The following EGFR variants were observed in gnomAD, a reference collection of about 807,000 sequenced individuals.
EGFR encodes the protein avian erythroblastic leukemia viral (v-erb-b) oncogene homolog.
In EGFR, 58 loss-of-function variants were observed where a neutral mutation model predicts 143.0. The ratio of observed to expected loss-of-function variants is 0.41; its 90% CI spans 0.33 to 0.50. The LOEUF (loss-of-function observed/expected upper bound fraction) is 0.50, where lower values mean the gene tolerates loss of function less well. EGFR is among the 20% of genes least tolerant of loss of function. The pLI is 0.39. For missense variants in EGFR, 1,307 were observed against 1,579.0 expected (o/e 0.83, Z 2.92); for synonymous variants, 613 against 594.4 (o/e 1.03, Z -0.45).
At chr7:55,168,529 A>G (rs763070862) in intron 15 of EGFR, 1 of 1,591,662 alleles carries the variant, frequency 6.3e-7, no homozygotes, top group Admixed American at 1.7e-5. Context: ...CCAGGTCCTA[A>G]TAAATCTTCA....
intron 1 of EGFR, among the ~76,000 whole-genome samples, chr7:55,091,884 ACACACAC>A (rs1279568219): frequency 9.7e-6 from 1 of 102,712 alleles, no homozygotes; most frequent in Non-Finnish European, 2.1e-5. Context: ...ACACACACAC[ACACACAC>A]CCTGAGAGAG....
At chr7:55,165,185 T>G (rs1297262343) in intron 14 of EGFR, 95 bp from the exon 15 acceptor site, 2 of 1,577,280 alleles carry the variant, frequency 1.3e-6, no homozygotes, top group Non-Finnish European at 1.7e-6. Context: ...CTTTCCCCAC[T>G]CACACACACT....
At chr7:55,043,886 T>A (rs1583897007) in intron 1 of EGFR, 1 of 152,240 alleles carries the variant, frequency 6.6e-6, no homozygotes, top group Admixed American at 6.5e-5. Context: ...ACAGCCAGCA[T>A]GCAGGATGGC....
chr7:55,074,433 C>A (rs1790018290), intron 1 of EGFR, among the ~76,000 whole-genome samples: 1 of 152,156 alleles, frequency 6.6e-6, no homozygotes, highest in Non-Finnish European at 1.5e-5. Flanking sequence ...TACAGCTGGC[C>A]CCCTGGCCTG....
intron 20 of EGFR, among the ~76,000 whole-genome samples, chr7:55,184,208 C>T (rs1787029171): frequency 6.6e-6 from 1 of 152,248 alleles, no homozygotes; most frequent in South Asian, 2.1e-4. Context: ...ACCACAGGCC[C>T]AGCACATGGC....
chr7:55,034,873 T>C (rs1787468272), intron 1 of EGFR, among the ~76,000 whole-genome samples: 1 of 152,254 alleles, frequency 6.6e-6, no homozygotes, highest in South Asian at 2.1e-4. Context: ...ATTTATCTTA[T>C]GGACATCACT....
At chr7:55,130,534 T>C (rs1793772505) in intron 1 of EGFR, among the ~76,000 whole-genome samples, 1 of 152,134 alleles carries the variant, frequency 6.6e-6, no homozygotes, top group Non-Finnish European at 1.5e-5. Flanking sequence ...ACAAGGTCTG[T>C]CTTCACACTG....
chr7:55,171,267 C>T, intron 16 of EGFR, 54 bp downstream of exon 16: 1 of 1,604,070 alleles, frequency 6.2e-7, no homozygotes, highest in Non-Finnish European at 8.5e-7. Flanking sequence ...GACCACACTG[C>T]TGTGGGTGAA....
chr7:55,142,889 G>A (rs952993461), intron 2 of EGFR, among the ~76,000 whole-genome samples: 1 of 152,168 alleles, frequency 6.6e-6, no homozygotes, highest in African/African-American at 2.4e-5. Flanking sequence ...CAGCTCTGAA[G>A]GCTTCAGAGT....
intron 1 of EGFR, among the ~76,000 whole-genome samples, chr7:55,118,034 C>T (rs552606984): frequency 2.6e-5 from 4 of 152,304 alleles, no homozygotes; most frequent in Admixed American, 6.5e-5. Flanking sequence ...ATTAGAATTG[C>T]GTTACAATTA....
chr7:55,026,584 G>T (rs549198188), intron 1 of EGFR, among the ~76,000 whole-genome samples: 1 of 152,162 alleles, frequency 6.6e-6, no homozygotes, highest in Admixed American at 6.5e-5. Context: ...CCAGAGACAT[G>T]CTAGTCCCGA....
chr7:55,051,453 C>G (rs1272191332), intron 1 of EGFR, among the ~76,000 whole-genome samples: 2 of 151,962 alleles, frequency 1.3e-5, no homozygotes, highest in Non-Finnish European at 2.9e-5. Context: ...GAGTGCAGCC[C>G]CCTCTTGCTT....
chr7:55,185,321 GC>G (rs1787084682), intron 20 of EGFR, among the ~76,000 whole-genome samples: 1 of 152,180 alleles, frequency 6.6e-6, no homozygotes, highest in South Asian at 2.1e-4. Flanking sequence ...AAGAGCAGGT[GC>G]CTCCTAAATT....
chr7:55,156,525 C>T lies in EGFR; in HGVS notation c.1007-8C>T, dbSNP rs2128938125. 1 of 1,614,182 alleles carries T rather than the reference C, an allele frequency of 6.2e-7. No individual in the cohort carries two copies. Among genetic ancestry groups the T allele is most frequent in the Non-Finnish European group, 8.5e-7 (1 of 1,180,038 alleles). On this transcript the variant is annotated splice_region_variant and splice_polypyrimidine_tract_variant and intron_variant, in intron 8 of 27. Transcript: ENST00000275493. ...TGAACGGAATACACGTCTCTCTTAT[C>T]TCTGCAGTGTGTAACGGAATAGGTA...
chr7:55,034,724 T>G (rs1272178894), intron 1 of EGFR, among the ~76,000 whole-genome samples: 1 of 152,254 alleles, frequency 6.6e-6, no homozygotes, highest in Non-Finnish European at 1.5e-5. Flanking sequence ...CATAAATTAA[T>G]GCATGCTGGA....
intron 1 of EGFR, among the ~76,000 whole-genome samples, chr7:55,113,868 G>T (rs537165163): frequency 4.6e-5 from 7 of 152,296 alleles, no homozygotes; most frequent in Non-Finnish European, 1.5e-5. Flanking sequence ...CTGCCTTCCT[G>T]CAGCAGCCCT....
At chr7:55,144,726 T>C (rs913186816) in intron 3 of EGFR, among the ~76,000 whole-genome samples, 1 of 152,012 alleles carries the variant, frequency 6.6e-6, no homozygotes, top group Non-Finnish European at 1.5e-5. Flanking sequence ...ACAGTGCGCC[T>C]CACACGCTGT....
chr7:55,094,396 C>T (rs1374388689), intron 1 of EGFR, among the ~76,000 whole-genome samples: 1 of 152,168 alleles, frequency 6.6e-6, no homozygotes, highest in South Asian at 2.1e-4. Context: ...CTCCTGCCAC[C>T]CACTGATCAT....
At chr7:55,160,084 G>A (rs1785618626) in intron 11 of EGFR, 55 bp from the exon 12 acceptor site, 1 of 1,594,976 alleles carries the variant, frequency 6.3e-7, no homozygotes, top group Admixed American at 1.7e-5. Flanking sequence ...AAGTTTTCAG[G>A]GATACATTGT....
Sources: allele counts gnomAD v4.1 joint callset (sites outside exome capture counted in the v4.1 genomes callset), GRCh38; gene constraint gnomAD v4.1.1; transcripts MANE v1.5; gene names NCBI Gene and HGNC (gene_info 2026-07-23, HGNC 2026-07-21).